LPL: variants seen among roughly 807,000 people sequenced by gnomAD.
LPL encodes phospholipase A1.
A neutral mutation model predicts 52.2 loss-of-function variants in LPL; 43 were observed. That is an observed-to-expected ratio of 0.82 (90% confidence interval 0.64 to 1.06). LPL has a LOEUF of 1.06. Among genes scored for constraint, LPL ranks in the 50% least tolerant of loss-of-function variants. LPL has a pLI of 0.00. For missense variants in LPL, 639 were observed against 585.3 expected (o/e 1.09, Z -0.95); for synonymous variants, 244 against 215.6 (o/e 1.13, Z -1.15).
intron 9 of LPL, among the ~76,000 whole-genome samples, chr8:19,963,712 C>A (rs868739099): frequency 3.2e-4 from 49 of 152,164 alleles, no homozygotes; most frequent in African/African-American, 1.1e-3. Flanking sequence ...TGTATATACT[C>A]TGAATGACTA....
intron 9 of LPL, among the ~76,000 whole-genome samples, chr8:19,963,107 T>G (rs2070054318): frequency 1.3e-5 from 2 of 152,174 alleles, no homozygotes; most frequent in African/African-American, 2.4e-5. Flanking sequence ...GAAAAGCAAT[T>G]GCTTTTGGTT....
rs781039961 is a variant in LPL, at chr8:19,956,080, A to C, written c.1015A>C (p.Lys339Gln). 2.5e-6 allele frequency: 4 copies of C among 1,614,166 alleles called. No homozygotes were observed. In the East Asian group the frequency reaches 8.9e-5, roughly 36 times the overall value. Residue 339 changes from lysine to glutamine, a missense_variant, in exon 6 of 10, where the codon AAA (lysine) becomes CAA (glutamine). By Grantham distance (53) the Lys-to-Gln change is moderately conservative. Transcript: ENST00000650287. ...GAAGACTCGTTCTCAGATGCCCTAC[A>C]AAGGTAGGCTGGAGACTGTTGTAAA... ...YLKTRSQMPY[K>Q]VFHYQVKIHF... is the part of the protein sequence containing the mutation.
Position 19,950,212 on chromosome 8 carries a change from T to C in LPL, c.250-1557T>C, listed in dbSNP as rs903860648. On this transcript the variant is annotated intron_variant, in intron 2 of 9. Transcript: ENST00000650287. The surrounding 1 kb of genome is among the most constrained non-coding windows in gnomAD (Gnocchi z 4.2). The stretch of plus-strand genomic sequence containing the variant: ...TGGCAGGGTCAGGTGGCCCACCTGG[T>C]ATAGGCAGCAGGGAGGGCTTCAGTT... Among the ~76,000 whole-genome samples, 1 of 152,174 alleles carries C rather than the reference T, an allele frequency of 6.6e-6. No individual in the cohort carries two copies.
rs2069815475 is a variant in LPL at position 19,939,845 on chromosome 8, G to C, written c.88+317G>C. On this transcript the variant is annotated intron_variant, in intron 1 of 9. Coordinates refer to ENST00000650287, the MANE Select transcript of LPL (RefSeq NM_000237.3). This position sits in a 1 kb window ranked among gnomAD's most constrained non-coding sequence, Gnocchi z 4.0. ...TCCGCCGGGGAGGTTCCGGGGTGTG[G>C]GGGCCGGGACGGCGGAGGCGGGGAG... Among the ~76,000 whole-genome samples the C allele has an allele frequency of 6.6e-6, 1 of 152,210 alleles. No individual in the cohort carries two copies. The highest frequency in any genetic ancestry group is 2.1e-4 in the South Asian group (1 of 4,834).
chr8:19,955,982 G>C lies in LPL; in HGVS notation c.917G>C (p.Arg306Thr), dbSNP rs763186724. ...GAGAAAGGGCTCTGCTTGAGTTGTAGAAAGAACCGCTGCAACAATCTGGGC... is the reference window on the plus strand; with the variant it reads ...GAGAAAGGGCTCTGCTTGAGTTGTACAAAGAACCGCTGCAACAATCTGGGC... ...AFEKGLCLSC[R>T]KNRCNNLGYE... Residue 306 changes from arginine (R) to threonine (T), a missense_variant, in exon 6 of 10, where the codon AGA (arginine) becomes ACA (threonine). Transcript: ENST00000650287. 4 of 1,614,176 alleles carry C rather than the reference G, an allele frequency of 2.5e-6. No homozygotes were observed. Among genetic ancestry groups the C allele is most frequent in the Non-Finnish European group, 3.4e-6 (4 of 1,180,032 alleles).
chr8:19,946,313 C>A lies in LPL; in HGVS notation c.89-1867C>A, dbSNP rs189083837. On this transcript the variant is annotated intron_variant, in intron 1 of 9. Transcript: ENST00000650287. The stretch of plus-strand genomic sequence containing the variant: ...TAGAATCATTAAGAAATTTCTCCTA[C>A]ATTTTAGATGACGGAGGTGTGTGTG... 3.6e-3 allele frequency among the ~76,000 whole-genome samples: 545 copies of A among 152,194 alleles called. 1 individual carries two copies. Among genetic ancestry groups the A allele is most frequent in the Non-Finnish European group, 4.5e-3 (303 of 67,982 alleles).
chr8:19,951,064 G>A (rs11570894), intron 2 of LPL, among the ~76,000 whole-genome samples: 21 of 152,264 alleles, frequency 1.4e-4, no homozygotes, highest in African/African-American at 5.1e-4. Context: ...GGGACTCACA[G>A]GCACAGACGA....
chr8:19,946,127 T>A (rs2069879898), intron 1 of LPL, among the ~76,000 whole-genome samples: 1 of 152,270 alleles, frequency 6.6e-6, no homozygotes. Context: ...CAAATAAAGA[T>A]GAGAAGTAGA....
intron 1 of LPL, among the ~76,000 whole-genome samples, chr8:19,946,953 C>G (rs1304871752): frequency 6.6e-6 from 1 of 152,140 alleles, no homozygotes; most frequent in African/African-American, 2.4e-5. Flanking sequence ...CCAAAGTGAA[C>G]CCTTTCAACA....
chr8:19,958,388 T>C (rs2070006316), intron 6 of LPL, among the ~76,000 whole-genome samples: 1 of 151,736 alleles, frequency 6.6e-6, no homozygotes, highest in Non-Finnish European at 1.5e-5. Flanking sequence ...CCTTTTAACC[T>C]CTCCCCAGGC....
At chr8:19,943,959 C>A (rs900810511) in intron 1 of LPL, among the ~76,000 whole-genome samples, 4 of 152,040 alleles carry the variant, frequency 2.6e-5, no homozygotes, top group Non-Finnish European at 4.4e-5. Flanking sequence ...GAGGCCGAGG[C>A]GGGTGGATCA....
chr8:19,952,149 T>G (rs2069940225), intron 3 of LPL, among the ~76,000 whole-genome samples: 1 of 152,198 alleles, frequency 6.6e-6, no homozygotes, highest in Non-Finnish European at 1.5e-5. Context: ...TAAATAGTCC[T>G]GCCCTGCTCT....
At position 19,960,887 on chromosome 8, in the gene LPL, G is replaced by A. The variant is rs932303350; in HGVS notation, c.1140-14G>A. Reference sequence around the variant, plus strand: ...ATCTCTATAACTAACCAAATTTATTGCTTTTTTGTTTAGGCCTGAAGTTTC... The same window carrying A: ...ATCTCTATAACTAACCAAATTTATTACTTTTTTGTTTAGGCCTGAAGTTTC... On this transcript the variant is annotated splice_polypyrimidine_tract_variant and intron_variant, in intron 7 of 9. Transcript: ENST00000650287. 3 of 1,609,424 alleles carry A rather than the reference G, an allele frequency of 1.9e-6. No individual in the cohort carries two copies. Among genetic ancestry groups the A allele is most frequent in the Non-Finnish European group, 2.5e-6 (3 of 1,176,662 alleles).
chr8:19,942,919 A>G (rs2069852916), intron 1 of LPL, among the ~76,000 whole-genome samples: 1 of 152,218 alleles, frequency 6.6e-6, no homozygotes, highest in Non-Finnish European at 1.5e-5. Flanking sequence ...ACTTGTGCCA[A>G]TTCATTCCTT....
intron 1 of LPL, among the ~76,000 whole-genome samples, chr8:19,942,477 T>G (rs1330033552): frequency 6.6e-6 from 1 of 152,210 alleles, no homozygotes; most frequent in African/African-American, 2.4e-5. Context: ...CCAACTTTTA[T>G]GGCAATAAAA....
intron 9 of LPL, among the ~76,000 whole-genome samples, chr8:19,963,310 C>T (rs1739393733): frequency 6.6e-6 from 1 of 152,046 alleles, no homozygotes. Context: ...GCGGCACATG[C>T]CTGTAATCCC....
At chr8:19,958,890 C>G (rs961078979) in intron 6 of LPL, among the ~76,000 whole-genome samples, 1 of 152,226 alleles carries the variant, frequency 6.6e-6, no homozygotes, top group Non-Finnish European at 1.5e-5. Flanking sequence ...TGCTAAGGCA[C>G]AAGATGGCCA....
rs973692940 is a variant in LPL, at chr8:19,965,540, A to G, written c.*230A>G. ...TAGTGGCCAAATAGCACATCCTCCA[A>G]CGTTAAAAGACAGTGGATCATGAAA... On this transcript the variant is annotated 3_prime_UTR_variant, in exon 10 of 10. Coordinates refer to ENST00000650287, the MANE Select transcript of LPL (RefSeq NM_000237.3). The G allele has an allele frequency of 3.8e-6, 2 of 527,682 alleles. No individual in the cohort carries two copies. The highest frequency in any genetic ancestry group is 6.7e-6 in the Non-Finnish European group (2 of 296,714). 32.7% of individuals were successfully genotyped at this position (527,682 alleles called of 1,614,324 possible).
At chr8:19,956,972 C>T (rs531287493) in intron 6 of LPL, among the ~76,000 whole-genome samples, 1 of 152,228 alleles carries the variant, frequency 6.6e-6, no homozygotes, top group Non-Finnish European at 1.5e-5. Context: ...AACAGGCATG[C>T]ACCATCATGC....
Sources: allele counts gnomAD v4.1 joint callset (sites outside exome capture counted in the v4.1 genomes callset), GRCh38; gene constraint gnomAD v4.1.1; non-coding constraint Gnocchi (gnomAD v3.1); transcripts MANE v1.5; gene names NCBI Gene and HGNC (gene_info 2026-07-23, HGNC 2026-07-21).